Variants in HOXB3 observed in about 807,000 individuals in gnomAD.
HOXB3 encodes the protein homeobox protein Hox-B3.
Under a neutral mutation model 29.2 loss-of-function variants are expected in HOXB3, and 17 were observed. That is an observed-to-expected ratio of 0.58 (90% CI 0.40 to 0.87). The LOEUF (loss-of-function observed/expected upper bound fraction) is 0.87, where lower values mean the gene tolerates loss of function less well. Ranked by LOEUF, HOXB3 falls within the 40% of genes least tolerant of loss-of-function variation. The pLI is 0.00. For missense variants in HOXB3, 637 were observed against 616.3 expected, an observed-to-expected ratio of 1.03 and a Z score of -0.35; for synonymous variants, 317 against 285.9, an observed-to-expected ratio of 1.11 and a Z score of -1.10.
intron 1 of HOXB3, chr17:48,578,474 C>A (rs1342195049): frequency 1.5e-5 from 14 of 951,980 alleles, no homozygotes; most frequent in Middle Eastern, 3.3e-4. Flanking sequence ...CTGCGATTCC[C>A]GGATAAGGAA....
chr17:48,571,274 C>T (rs531867139), intron 2 of HOXB3, among the ~76,000 whole-genome samples: 11 of 152,340 alleles, frequency 7.2e-5, no homozygotes, highest in Admixed American at 7.2e-4. Context: ...CGCTGAGAAA[C>T]TTCCCAACTC....
In HOXB3 at chr17:48,556,143, GT is replaced by G. The variant is rs35527404; in HGVS notation, c.-246-526del. ...AAAGAGTAAGAAGAAAAGAAGGAGG[GT>G]TTTTTTTTTTTCCTTAAAGAACAGG... On this transcript the variant is annotated intron_variant, in intron 2 of 4. Coordinates refer to ENST00000498678, the MANE Select transcript of HOXB3 (RefSeq NM_001384749.1). Among the ~76,000 whole-genome samples the G allele has an allele frequency of 5.9e-3, 858 of 146,494 alleles. 4 individuals carry two copies. Among genetic ancestry groups the G allele is most frequent in the African/African-American group, 0.02 (784 of 39,820 alleles).
intron 1 of HOXB3, chr17:48,580,145 A>G: frequency 3.4e-6 from 1 of 298,200 alleles, no homozygotes; most frequent in Non-Finnish European, 6.5e-6. Context: ...GCCAGTTCGC[A>G]AAGGGACGAG....
intron 2 of HOXB3, among the ~76,000 whole-genome samples, chr17:48,558,911 T>C (rs1197366157): frequency 6.6e-6 from 1 of 151,848 alleles, no homozygotes; most frequent in Non-Finnish European, 1.5e-5. Flanking sequence ...TGTGTGTGTG[T>C]GCCCATGTGT....
At chr17:48,558,769 T>G (rs1000589283) in intron 2 of HOXB3, among the ~76,000 whole-genome samples, 7 of 151,742 alleles carry the variant, frequency 4.6e-5, no homozygotes, top group African/African-American at 1.7e-4. Flanking sequence ...AGGGAAGACT[T>G]TGGGGTCTGG....
At chr17:48,586,488 G>A (rs4793937) in intron 1 of HOXB3, among the ~76,000 whole-genome samples, 25,427 of 152,204 alleles carry the variant, frequency 0.17, 2,166 homozygotes, top group Non-Finnish European at 0.18. Context: ...GTATGCTGCA[G>A]CGGCTCGGAG....
intron 2 of HOXB3, among the ~76,000 whole-genome samples, chr17:48,572,594 G>C (rs554962619): frequency 1.3e-5 from 2 of 152,172 alleles, no homozygotes; most frequent in Non-Finnish European, 2.9e-5. Flanking sequence ...GAGTGGTTGC[G>C]GGGAGGATGG....
rs1210996818 is a variant in HOXB3, at chr17:48,549,152, T to C, written c.*1182A>G. The stretch of plus-strand genomic sequence containing the variant: ...TACATGACAGGAAACACAATGTCCT[T>C]TGTAACAGGTAAATACTAAAAAAGT... On this transcript the variant is annotated 3_prime_UTR_variant, in exon 5 of 5. Coordinates refer to ENST00000498678, the MANE Select transcript of HOXB3 (RefSeq NM_001384749.1). The C allele has an allele frequency of 1.3e-5, 2 of 152,670 alleles. No individual in the cohort carries two copies. Among genetic ancestry groups the C allele is most frequent in the African/African-American group, 4.8e-5 (2 of 41,462 alleles). 9.5% of individuals were successfully genotyped at this position (152,670 alleles called of 1,614,324 possible). A position where few individuals can be genotyped will look rare whatever the true frequency, so the allele number is the denominator to read the frequency against.
At chr17:48,586,134 T>TAGAGGATACTGC (rs531853370) in intron 1 of HOXB3, among the ~76,000 whole-genome samples, 118 of 152,218 alleles carry the variant, frequency 7.8e-4, no homozygotes, top group African/African-American at 2.7e-3. Flanking sequence ...GAGGAGAAGC[T>TAGAGGATACTGC]AGAGGATACT....
intron 2 of HOXB3, among the ~76,000 whole-genome samples, chr17:48,569,911 G>C (rs1348285486): frequency 6.6e-6 from 1 of 152,140 alleles, no homozygotes; most frequent in Non-Finnish European, 1.5e-5. Context: ...AAATGCGACT[G>C]ACCGTTTGAA....
chr17:48,555,011 A>AGG (rs2068907466), intron 3 of HOXB3, among the ~76,000 whole-genome samples: 1 of 151,888 alleles, frequency 6.6e-6, no homozygotes, highest in Admixed American at 6.6e-5. Context: ...GGAGGGAGGG[A>AGG]GACGGTGGCT....
chr17:48,580,157 A>C (rs1474505336), intron 1 of HOXB3: 2 of 265,242 alleles, frequency 7.5e-6, no homozygotes, highest in Non-Finnish European at 1.5e-5. Context: ...AGGGACGAGA[A>C]CCTTGCCTCC....
chr17:48,583,376 A>G (rs1336993283), intron 1 of HOXB3, among the ~76,000 whole-genome samples: 1 of 152,214 alleles, frequency 6.6e-6, no homozygotes, highest in African/African-American at 2.4e-5. Context: ...GCAGATCAAG[A>G]AGGCATTTAA....
Position 48,573,821 on chromosome 17 carries a change from GC to G in HOXB3, c.-247+15del, listed in dbSNP as rs1159337465. On this transcript the variant is annotated intron_variant, in intron 2 of 4. Transcript: ENST00000498678. Reference sequence around the variant, plus strand: ...AAACGATCAAAACACGCCAGCCCGGGCCCGGGCTTTGTTACCTTTGCGCCTC... The same window carrying G: ...AAACGATCAAAACACGCCAGCCCGGGCCGGGCTTTGTTACCTTTGCGCCTC... 8.5e-6 allele frequency: 6 copies of G among 701,932 alleles called. No individual in the cohort carries two copies. The highest frequency in any genetic ancestry group is 3.5e-5 in the African/African-American group (2 of 57,186). 43.5% of individuals were successfully genotyped at this position (701,932 alleles called of 1,614,324 possible). A position where few individuals can be genotyped will look rare whatever the true frequency, so the allele number is the denominator to read the frequency against.
intron 1 of HOXB3, among the ~76,000 whole-genome samples, chr17:48,588,085 G>C (rs190646248): frequency 6.6e-6 from 1 of 152,210 alleles, no homozygotes. Context: ...GGGAGGGCAG[G>C]AGGAGAGGAC....
intron 1 of HOXB3, among the ~76,000 whole-genome samples, chr17:48,585,391 C>G (rs1021599779): frequency 6.6e-6 from 1 of 152,220 alleles, no homozygotes; most frequent in Non-Finnish European, 1.5e-5. Flanking sequence ...AGCAGGGGCT[C>G]CTCGGGAGCA....
chr17:48,577,016 G>A (rs2069786892), intron 1 of HOXB3: 1 of 1,601,082 alleles, frequency 6.2e-7, no homozygotes, highest in Non-Finnish European at 8.5e-7. Context: ...CGTAATTGGG[G>A]TTTACTGGAC....
In HOXB3 at chr17:48,573,760, G is replaced by A. The variant is rs188277544; in HGVS notation, c.-247+77C>T. 325 of 664,872 alleles carry A rather than the reference G, an allele frequency of 4.9e-4. 1 individual carries two copies. In the African/African-American group the frequency reaches 4.9e-3, roughly 10 times the overall value. 41.2% of individuals were successfully genotyped at this position (664,872 alleles called of 1,614,324 possible). A position where few individuals can be genotyped will look rare whatever the true frequency, so the allele number is the denominator to read the frequency against. ...AAAAAAGAAAAAGGAAGAGGCGAGAGAGTGTTTCTTCTTTCAGTTGTGAAA... is the reference window on the plus strand; with the variant it reads ...AAAAAAGAAAAAGGAAGAGGCGAGAAAGTGTTTCTTCTTTCAGTTGTGAAA... On this transcript the variant is annotated intron_variant, in intron 2 of 4. Transcript: ENST00000498678.
At chr17:48,589,939 G>T (rs560027424) in intron 1 of HOXB3, among the ~76,000 whole-genome samples, 186 bp downstream of exon 1, 1 of 152,004 alleles carries the variant, frequency 6.6e-6, no homozygotes. Context: ...AGGCACCCCC[G>T]ACCGATGAGG....
Sources: gnomAD v4.1 joint callset for allele counts (sites outside exome capture counted in the v4.1 genomes callset) on GRCh38, gnomAD v4.1.1 for gene constraint, MANE v1.5 for transcripts, NCBI Gene and HGNC (gene_info 2026-07-23, HGNC 2026-07-21) for gene names.